DNAJC1: variants seen among roughly 807,000 people sequenced by gnomAD.
The protein encoded by DNAJC1 is dnaJ homolog subfamily C member 1.
A neutral mutation model predicts 76.6 loss-of-function variants in DNAJC1; 58 were observed. The ratio of observed to expected loss-of-function variants is 0.76; its 90% confidence interval spans 0.61 to 0.94. The LOEUF (loss-of-function observed/expected upper bound fraction) is 0.94. Ranked by LOEUF, DNAJC1 falls within the 40% of genes least tolerant of loss-of-function variation. The pLI is 0.00. For missense variants in DNAJC1, 689 were observed against 677.3 expected (o/e 1.02, Z -0.19); for synonymous variants, 258 against 267.9 (o/e 0.96, Z 0.36).
chr10:21,757,582 T>C (rs898694320), intron 11 of DNAJC1, among the ~76,000 whole-genome samples: 1 of 152,234 alleles, frequency 6.6e-6, no homozygotes, highest in African/African-American at 2.4e-5. Flanking sequence ...CAGGGTTTTT[T>C]TTCTGCATCC....
chr10:21,773,907 C>T (rs12257748), intron 9 of DNAJC1, among the ~76,000 whole-genome samples: 6,359 of 151,028 alleles, frequency 0.042, 456 homozygotes, highest in African/African-American at 0.15. Flanking sequence ...TTTGGGAGGC[C>T]GAGGCGGGCG....
intron 1 of DNAJC1, among the ~76,000 whole-genome samples, chr10:21,983,611 C>T (rs1485526382): frequency 6.6e-6 from 1 of 151,540 alleles, no homozygotes; most frequent in East Asian, 1.9e-4. Context: ...ATCCCAGCTA[C>T]TGGGGAGGCT....
chr10:21,877,253 G>A (rs955327810), intron 8 of DNAJC1, among the ~76,000 whole-genome samples: 13 of 151,262 alleles, frequency 8.6e-5, no homozygotes, highest in African/African-American at 2.7e-4. Context: ...CAGCCTGAGT[G>A]ACAGAGTGAG....
chr10:21,912,728 A>G (rs1004884986), intron 6 of DNAJC1, among the ~76,000 whole-genome samples: 1 of 152,130 alleles, frequency 6.6e-6, no homozygotes, highest in East Asian at 1.9e-4. Context: ...ACTCAGCTTG[A>G]AACAAATGCC....
At chr10:21,821,631 A>G (rs920140726) in intron 8 of DNAJC1, among the ~76,000 whole-genome samples, 1 of 152,212 alleles carries the variant, frequency 6.6e-6, no homozygotes, top group African/African-American at 2.4e-5. Context: ...CATACAAGTG[A>G]GAAATGACAA....
intron 3 of DNAJC1, among the ~76,000 whole-genome samples, chr10:21,928,106 A>G (rs936947086): frequency 1.3e-5 from 2 of 152,222 alleles, no homozygotes; most frequent in African/African-American, 4.8e-5. Flanking sequence ...CTACAGTCTA[A>G]TTCAAACATT....
At position 21,953,640 on chromosome 10, in the gene DNAJC1, CT is replaced by C. The variant is rs765783056; in HGVS notation, c.223-24500del. 8.5e-4 allele frequency among the ~76,000 whole-genome samples: 128 copies of C among 151,452 alleles called. No individual in the cohort carries two copies. In the Middle Eastern group the frequency reaches 0.035, roughly 41 times the overall value. Reference sequence around the variant, plus strand: ...AAGCTCCATCTAGAGGCTTTTCCCCCTATTACTGTCACTTGCAATATAAGTA... The same window carrying C: ...AAGCTCCATCTAGAGGCTTTTCCCCCATTACTGTCACTTGCAATATAAGTA... On this transcript the variant is annotated intron_variant, in intron 1 of 11. Transcript: ENST00000376980.
chr10:21,835,870 A>AG (rs1298277605), intron 8 of DNAJC1, among the ~76,000 whole-genome samples: 2 of 152,212 alleles, frequency 1.3e-5, no homozygotes, highest in African/African-American at 4.8e-5. Flanking sequence ...TGAAAGTGAC[A>AG]GGGAGAATGG....
intron 1 of DNAJC1, among the ~76,000 whole-genome samples, chr10:21,970,217 T>C (rs1837956381): frequency 6.6e-6 from 1 of 152,150 alleles, no homozygotes. Context: ...TACTATCTAA[T>C]AAAAGTGGAA....
At chr10:21,817,373 G>A (rs1050173415) in intron 8 of DNAJC1, among the ~76,000 whole-genome samples, 5 of 151,710 alleles carry the variant, frequency 3.3e-5, no homozygotes, top group Admixed American at 2.0e-4. Context: ...AATATACTAC[G>A]AACACTCTGA....
chr10:21,984,781 A>G (rs1268689327), intron 1 of DNAJC1, among the ~76,000 whole-genome samples: 2 of 152,202 alleles, frequency 1.3e-5, no homozygotes, highest in Non-Finnish European at 2.9e-5. Context: ...CTGTACACTA[A>G]AGAAATTACA....
chr10:21,816,545 CTTT>C (rs770275203), intron 8 of DNAJC1, among the ~76,000 whole-genome samples: 3 of 134,588 alleles, frequency 2.2e-5, no homozygotes, highest in African/African-American at 2.7e-5. Flanking sequence ...GTCTCTCTCT[CTTT>C]TTTTTTTTTT....
intron 8 of DNAJC1, among the ~76,000 whole-genome samples, chr10:21,854,364 A>C (rs886702132): frequency 2.2e-4 from 34 of 151,968 alleles, no homozygotes; most frequent in East Asian, 5.8e-4. Context: ...AAAAAAAAAA[A>C]AAAAAACTGT....
chr10:22,001,070 T>G (rs1838511258), intron 1 of DNAJC1, among the ~76,000 whole-genome samples: 1 of 152,234 alleles, frequency 6.6e-6, no homozygotes, highest in African/African-American at 2.4e-5. Flanking sequence ...TTCTCCCTAC[T>G]GAATTATAAG....
chr10:21,912,371 C>T (rs999618706), intron 6 of DNAJC1, among the ~76,000 whole-genome samples: 11 of 152,014 alleles, frequency 7.2e-5, no homozygotes, highest in African/African-American at 2.7e-4. Flanking sequence ...GGCTTTTTAT[C>T]TTTTCTACAT....
At chr10:21,906,717 G>A (rs530082329) in intron 6 of DNAJC1, among the ~76,000 whole-genome samples, 2 of 152,210 alleles carry the variant, frequency 1.3e-5, no homozygotes, top group East Asian at 3.9e-4. Context: ...GTGACATTCA[G>A]AAAATTATTT....
intron 8 of DNAJC1, among the ~76,000 whole-genome samples, chr10:21,859,520 AAC>A (rs1835889777): frequency 6.6e-6 from 1 of 152,166 alleles, no homozygotes; most frequent in African/African-American, 2.4e-5. Context: ...AGTAAAAATC[AAC>A]AGTTTTCTAC....
chr10:21,866,190 A>G (rs1023195586), intron 8 of DNAJC1, among the ~76,000 whole-genome samples: 6 of 151,564 alleles, frequency 4.0e-5, no homozygotes, highest in Non-Finnish European at 7.4e-5. Context: ...CAAAAAAATA[A>G]AAAACCCAAA....
intron 8 of DNAJC1, among the ~76,000 whole-genome samples, chr10:21,816,034 G>A (rs766462097): frequency 3.3e-5 from 5 of 151,286 alleles, no homozygotes; most frequent in East Asian, 2.0e-4. Context: ...ATGAGCCACC[G>A]CGCCCAGCCT....
Sources: allele counts gnomAD v4.1 joint callset (sites outside exome capture counted in the v4.1 genomes callset), GRCh38; gene constraint gnomAD v4.1.1; transcripts MANE v1.5; gene names NCBI Gene and HGNC (gene_info 2026-07-23, HGNC 2026-07-21).